Variants in CACNA1G observed in about 807,000 individuals in gnomAD.
CACNA1G encodes the protein calcium voltage-gated channel subunit alpha1 G, also known as voltage-dependent T-type calcium channel subunit alpha-1G.
Under a neutral mutation model 219.4 loss-of-function variants are expected in CACNA1G, and 67 were observed. The ratio of observed to expected loss-of-function variants is 0.31; its 90% CI spans 0.25 to 0.37. The LOEUF (loss-of-function observed/expected upper bound fraction) is 0.37, where lower values mean the gene tolerates loss of function less well. Among genes scored for constraint, CACNA1G ranks in the 10% least tolerant of loss-of-function variants. The pLI is 1.00. For synonymous variants in CACNA1G, 1,296 were observed against 1,345.3 expected, an observed-to-expected ratio of 0.96 and a Z score of 0.80; for missense variants, 2,380 against 3,231.4, an observed-to-expected ratio of 0.74 and a Z score of 6.39.
chr17:50,593,562 C>T, intron 13 of CACNA1G, among the ~76,000 whole-genome samples: 1 of 152,242 alleles, frequency 6.6e-6, no homozygotes, highest in East Asian at 1.9e-4. Context: ...ACAGCAAAGC[C>T]AGAGTGTGGG....
In CACNA1G at chr17:50,600,960, GGGCACTGGA is replaced by G; in HGVS notation, c.3792-88_3792-80del. 1 of 1,584,290 alleles carries G rather than the reference GGGCACTGGA, an allele frequency of 6.3e-7. No homozygotes were observed. Among genetic ancestry groups the G allele is most frequent in the Non-Finnish European group, 8.6e-7 (1 of 1,159,700 alleles). ...GTGAGCAGGGTGGCCTCAGCTGGGAGGGCACTGGAGGGGCAGGGGCTGCGGGCGGTGCCT... is the reference window on the plus strand; with the variant it reads ...GTGAGCAGGGTGGCCTCAGCTGGGAGGGGGCAGGGGCTGCGGGCGGTGCCT... On this transcript the variant is annotated intron_variant, in intron 18 of 37. Coordinates refer to ENST00000359106, the MANE Select transcript of CACNA1G (RefSeq NM_018896.5). The surrounding 1 kb of genome is among the most constrained non-coding windows in gnomAD (Gnocchi z 4.1).
At chr17:50,601,498 G>T (rs115313285) in intron 19 of CACNA1G, among the ~76,000 whole-genome samples, 348 of 152,324 alleles carry the variant, frequency 2.3e-3, no homozygotes, top group African/African-American at 7.8e-3. Context: ...GTGTGCAGAT[G>T]GGGAGGCATC....
In CACNA1G at chr17:50,623,981, C is replaced by T; in HGVS notation, c.6135C>T (p.His2045=). 6.2e-7 allele frequency: 1 copy of T among 1,613,344 alleles called. No individual in the cohort carries two copies. Residue 2045 remains histidine, a synonymous_variant, in exon 36 of 38, where the codon CAC becomes CAT. Coordinates refer to ENST00000359106, the MANE Select transcript of CACNA1G (RefSeq NM_018896.5). The stretch of plus-strand genomic sequence containing the variant: ...GGAAGTCTGGGGTCAGCCGAACGCA[C>T]TCTCTGCCCAATGACAGCTACATGT... ...TVRKSGVSRT[H]SLPNDSYMCR...
At chr17:50,624,140 C>A in intron 36 of CACNA1G, 65 bp downstream of exon 36, 2 of 1,558,670 alleles carry the variant, frequency 1.3e-6, no homozygotes, top group South Asian at 1.2e-5. Flanking sequence ...CTAAGCCAGT[C>A]CTGATCTGAG....
At chr17:50,563,836 C>T (rs1294281373) in intron 1 of CACNA1G, 2 of 152,160 alleles carry the variant, frequency 1.3e-5, no homozygotes, top group East Asian at 3.9e-4. Context: ...TAAGCTGTGC[C>T]CCTCACCACT....
chr17:50,594,008 C>T (rs189065371), intron 13 of CACNA1G, among the ~76,000 whole-genome samples: 1 of 152,198 alleles, frequency 6.6e-6, no homozygotes, highest in Non-Finnish European at 1.5e-5. Context: ...GTTGTGGTGG[C>T]CTGGGATTTT....
Position 50,621,616 on chromosome 17 carries a change from G to C in CACNA1G, c.5926-44G>C. 3 of 1,605,870 alleles carry C rather than the reference G, an allele frequency of 1.9e-6. No individual in the cohort carries two copies. Among genetic ancestry groups the C allele is most frequent in the Non-Finnish European group, 2.6e-6 (3 of 1,174,372 alleles). The stretch of plus-strand genomic sequence containing the variant: ...TGTGTGCGTGTGCACGCGCGTGTGC[G>C]CTGTCCTGGTTTCTCATGCCTGATC... On this transcript the variant is annotated intron_variant, in intron 34 of 37. Coordinates refer to ENST00000359106, the MANE Select transcript of CACNA1G (RefSeq NM_018896.5). This position sits in a 1 kb window ranked among gnomAD's most constrained non-coding sequence, Gnocchi z 4.6.
At position 50,601,099 on chromosome 17, in the gene CACNA1G, C is replaced by T. The variant is rs543989833; in HGVS notation, c.3840C>T (p.His1280=). Residue 1280 remains histidine, a synonymous_variant, in exon 19 of 38, where the codon CAC becomes CAT. Transcript: ENST00000359106. ...HRIITHKMFD[H]VVLVIIFLNC... The stretch of plus-strand genomic sequence containing the variant: ...TCATCACCCACAAGATGTTCGACCA[C>T]GTGGTCCTTGTCATCATCTTCCTTA... 44 of 1,613,810 alleles carry T rather than the reference C, an allele frequency of 2.7e-5. No homozygotes were observed. The highest frequency in any genetic ancestry group is 1.6e-4 in the East Asian group (7 of 44,894).
chr17:50,592,135 C>T (rs1331173690), intron 13 of CACNA1G, 43 bp downstream of exon 13: 1 of 1,564,052 alleles, frequency 6.4e-7, no homozygotes, highest in East Asian at 2.2e-5. Context: ...CACAGCAGTC[C>T]CACTTCCAAT....
intron 37 of CACNA1G, 102 bp downstream of exon 37, chr17:50,624,631 GTGTGCCAGTGA>G (rs1287877696): frequency 2.5e-6 from 3 of 1,181,608 alleles, no homozygotes; most frequent in African/African-American, 3.1e-5. Context: ...AATATTTATT[GTGTGCCAGTGA>G]TGTGCCAGGC....
At chr17:50,601,196 G>A (rs756997331) in intron 19 of CACNA1G, 22 bp downstream of exon 19, 6 of 1,612,828 alleles carry the variant, frequency 3.7e-6, no homozygotes, top group Non-Finnish European at 5.1e-6. Flanking sequence ...GCCCCGCTCA[G>A]GGCAAGGCCT....
chr17:50,567,054 T>G (rs2038086014), intron 1 of CACNA1G, among the ~76,000 whole-genome samples: 1 of 152,244 alleles, frequency 6.6e-6, no homozygotes, highest in Non-Finnish European at 1.5e-5. Context: ...AGGGTAACTG[T>G]GTCTTTCCCT....
At chr17:50,569,639 A>C in intron 3 of CACNA1G, 67 bp from the exon 4 acceptor site, 1 of 1,119,058 alleles carries the variant, frequency 8.9e-7, no homozygotes, top group Non-Finnish European at 1.3e-6. Flanking sequence ...AGGATTCCTC[A>C]TTGACCTCTT....
rs1034950093 is a variant in CACNA1G at position 50,621,886 on chromosome 17, G to A, written c.6060+92G>A. ...TCGGCCCAGGGAGGGTCCTGGGGCC[G>A]CCTCCTCTCAGTTTGCTGCCAGGCT... is the stretch of plus-strand genomic sequence containing the variant. On this transcript the variant is annotated intron_variant, in intron 35 of 37. Transcript: ENST00000359106. The surrounding 1 kb of genome is among the most constrained non-coding windows in gnomAD (Gnocchi z 4.6). 4.1e-5 allele frequency: 57 copies of A among 1,402,574 alleles called. No homozygotes were observed. The highest frequency in any genetic ancestry group is 1.9e-4 in the East Asian group (8 of 42,966). 86.9% of individuals were successfully genotyped at this position (1,402,574 alleles called of 1,614,324 possible).
chr17:50,565,128 C>T lies in CACNA1G; in HGVS notation c.242+3427C>T, dbSNP rs546030450. Among the ~76,000 whole-genome samples, 49 of 129,174 alleles carry T rather than the reference C, an allele frequency of 3.8e-4. 1 individual carries two copies. Among genetic ancestry groups the T allele is most frequent in the African/African-American group, 1.2e-3 (34 of 28,384 alleles). The allele number at this position is 129,174 out of a possible 152,430, so 84.7% of individuals were successfully genotyped here. A position where few individuals can be genotyped will look rare whatever the true frequency, so the allele number is the denominator to read the frequency against. ...GCTCACACGCAGACATGCGCACGCG[C>T]GCGCACACACACACGCGCACACACA... On this transcript the variant is annotated intron_variant, in intron 1 of 37. Transcript: ENST00000359106.
Position 50,578,372 on chromosome 17 carries a change from C to T in CACNA1G, c.2109C>T (p.Ser703=), listed in dbSNP as rs535330413. The part of the protein sequence containing the change: ...VYEFTQDAQH[S]DLRDPHSRRQ... ...AGTTCACACAGGATGCCCAGCACAGCGACCTCCGGGACCCCCACAGCCGGC... is the reference window on the plus strand; with the variant it reads ...AGTTCACACAGGATGCCCAGCACAGTGACCTCCGGGACCCCCACAGCCGGC... The change falls in exon 9 of 38, where the codon AGC becomes AGT. Residue 703 remains serine (S), a synonymous_variant. Transcript: ENST00000359106. The surrounding 1 kb of genome is among the most constrained non-coding windows in gnomAD (Gnocchi z 4.5). The T allele has an allele frequency of 1.4e-5, 23 of 1,613,244 alleles. 1 individual carries two copies. In the South Asian group the frequency reaches 1.9e-4, roughly 13 times the overall value.
At chr17:50,573,223 A>T in intron 7 of CACNA1G, 110 bp downstream of exon 7, 1 of 773,540 alleles carries the variant, frequency 1.3e-6, no homozygotes, top group Non-Finnish European at 2.2e-6. Flanking sequence ...CTCTCAGGAC[A>T]AGTCCTGTAG....
Position 50,627,236 on chromosome 17 carries a change from C to T in CACNA1G, c.*485C>T, listed in dbSNP as rs912402759. On this transcript the variant is annotated 3_prime_UTR_variant, in exon 38 of 38. Coordinates refer to ENST00000359106, the MANE Select transcript of CACNA1G (RefSeq NM_018896.5). Reference sequence around the variant, plus strand: ...TCTTGCAAAGCACAAGCTGGGACCGCGAGCACATTGCAGCCCCAACGGTGG... The same window carrying T: ...TCTTGCAAAGCACAAGCTGGGACCGTGAGCACATTGCAGCCCCAACGGTGG... 39 of 453,890 alleles carry T rather than the reference C, an allele frequency of 8.6e-5. No individual in the cohort carries two copies. Among genetic ancestry groups the T allele is most frequent in the East Asian group, 2.1e-4 (3 of 14,394 alleles). The allele number at this position is 453,890 out of a possible 1,614,324, so 28.1% of individuals were successfully genotyped here.
Position 50,599,625 on chromosome 17 carries a change from C to T in CACNA1G, c.3456C>T (p.Ser1152=), listed in dbSNP as rs1053402058. Residue 1152 remains serine, a synonymous_variant, in exon 17 of 38, where the codon AGC becomes AGT. Coordinates refer to ENST00000359106, the MANE Select transcript of CACNA1G (RefSeq NM_018896.5). ...EEESSEEERA[S]PAGSDHRHRG... is the part of the protein sequence containing the mutation. ...AGAGCTCAGAAGAGGAGCGGGCCAGCCCTGCGGGCAGTGACCATCGCCACA... is the reference window on the plus strand; with the variant it reads ...AGAGCTCAGAAGAGGAGCGGGCCAGTCCTGCGGGCAGTGACCATCGCCACA... 36 of 1,612,830 alleles carry T rather than the reference C, an allele frequency of 2.2e-5. No homozygotes were observed. The highest frequency in any genetic ancestry group is 2.7e-5 in the African/African-American group (2 of 74,938).
Sources: gnomAD v4.1 joint callset for allele counts (sites outside exome capture counted in the v4.1 genomes callset) on GRCh38, gnomAD v4.1.1 for gene constraint, Gnocchi (gnomAD v3.1) non-coding constraint, MANE v1.5 for transcripts, NCBI Gene and HGNC (gene_info 2026-07-23, HGNC 2026-07-21) for gene names.